The following PIAS2 variants were observed in gnomAD, a reference collection of about 807,000 sequenced individuals.
PIAS2 encodes E3 SUMO-protein ligase PIAS2.
PIAS2 carries 19 observed loss-of-function variants against 69.7 expected under a neutral mutation model. That is an observed-to-expected ratio of 0.27 (90% CI 0.19 to 0.40). The LOEUF is 0.40. Ranked by LOEUF, PIAS2 falls within the 10% of genes least tolerant of loss-of-function variation. PIAS2 has a pLI of 1.00. For missense variants in PIAS2, 624 were observed against 757.0 expected, an observed-to-expected ratio of 0.82 and a Z score of 2.06; for synonymous variants, 261 against 263.2, an observed-to-expected ratio of 0.99 and a Z score of 0.08.
At chr18:46,850,765 A>T (rs145040815) in intron 5 of PIAS2, among the ~76,000 whole-genome samples, 3,936 of 152,242 alleles carry the variant, frequency 0.026, 96 homozygotes, top group Middle Eastern at 0.048. Context: ...GACCCATTAT[A>T]TGATTATGAA....
At chr18:46,870,990 T>C (rs1014455405) in intron 2 of PIAS2, among the ~76,000 whole-genome samples, 6 of 152,074 alleles carry the variant, frequency 3.9e-5, no homozygotes, top group Non-Finnish European at 5.9e-5. Flanking sequence ...GAGCATTCCA[T>C]ATACAACAAA....
In PIAS2 at chr18:46,890,710, A is replaced by G; in HGVS notation, c.369T>C (p.Leu123=). ...SPSSPVGSVL[L]QDTKPTFEMQ... is the part of the protein sequence containing the mutation. The stretch of plus-strand genomic sequence containing the variant: ...TCTCAAATGTGGGCTTAGTATCTTG[A>G]AGCAGCACAGAACCAACAGGAGAGG... The change falls in exon 2 of 14, where the codon CTT becomes CTC. Residue 123 remains leucine, a synonymous_variant. Transcript: ENST00000585916. 1 of 1,614,176 alleles carries G rather than the reference A, an allele frequency of 6.2e-7. No individual in the cohort carries two copies. The highest frequency in any genetic ancestry group is 1.3e-5 in the African/African-American group (1 of 75,058).
At chr18:46,890,535 C>T (rs772987824) in intron 2 of PIAS2, 45 bp downstream of exon 2, 1 of 1,184,926 alleles carries the variant, frequency 8.4e-7, no homozygotes, top group Non-Finnish European at 1.2e-6. Context: ...TCTCTCATTT[C>T]ATTTACTATC....
intron 12 of PIAS2, among the ~76,000 whole-genome samples, chr18:46,818,813 G>C (rs994442427): frequency 2.6e-5 from 4 of 151,994 alleles, no homozygotes; most frequent in South Asian, 2.1e-4. Context: ...ATAACAACCA[G>C]TATCACCATA....
At position 46,894,056 on chromosome 18, in the gene PIAS2, G is replaced by A. The variant is rs188857505; in HGVS notation, c.25-3002C>T. Among the ~76,000 whole-genome samples, 7 of 152,274 alleles carry A rather than the reference G, an allele frequency of 4.6e-5. 1 individual carries two copies. Among genetic ancestry groups the A allele is most frequent in the Middle Eastern group, 6.8e-3 (2 of 294 alleles). On this transcript the variant is annotated intron_variant, in intron 1 of 13. Transcript: ENST00000585916. ...CAGGAGAATTTCTTCAACCCAGGAG[G>A]TGGAAGTTGCAGTGAGCCAAGACTG... is the stretch of plus-strand genomic sequence containing the variant.
chr18:46,855,997 GTTTTTTTTTTT>G (rs1171297653), intron 3 of PIAS2, among the ~76,000 whole-genome samples: 5,939 of 68,094 alleles, frequency 0.087, 161 homozygotes, highest in Non-Finnish European at 0.11. Context: ...TTTTTCTTTT[GTTTTTTTTTTT>G]TTTTTTTTTT....
chr18:46,878,530 G>A (rs1420045166), intron 2 of PIAS2, among the ~76,000 whole-genome samples: 1 of 152,064 alleles, frequency 6.6e-6, no homozygotes, highest in Non-Finnish European at 1.5e-5. Flanking sequence ...CCCCCTGCAA[G>A]CACTATATTG....
rs539165833 is a variant in PIAS2, at chr18:46,888,507, C to T, written c.499+2073G>A. The stretch of plus-strand genomic sequence containing the variant: ...GATTCCAAGACATATTACATAGCTA[C>T]GGTAATCAAAACTGTGATACTGGCA... On this transcript the variant is annotated intron_variant, in intron 2 of 13. Transcript: ENST00000585916. Among the ~76,000 whole-genome samples the T allele has an allele frequency of 6.6e-5, 10 of 152,180 alleles. No individual in the cohort carries two copies. In the East Asian group the frequency reaches 1.2e-3, roughly 18 times the overall value.
chr18:46,882,611 A>G (rs916491352), intron 2 of PIAS2, among the ~76,000 whole-genome samples: 1 of 152,240 alleles, frequency 6.6e-6, no homozygotes, highest in African/African-American at 2.4e-5. Flanking sequence ...AAACTGCAAG[A>G]ATAGTGCCTG....
At position 46,864,256 on chromosome 18, in the gene PIAS2, G is replaced by GAAA; in HGVS notation, c.500-11_500-9dup. ...GCTGAATACTGCTTTGAACTGGGAA[G>GAAA]AAAAAAAAAAAGAAAGATAATATTT... On this transcript the variant is annotated splice_polypyrimidine_tract_variant and intron_variant, in intron 2 of 13. Coordinates refer to ENST00000585916, the MANE Select transcript of PIAS2 (RefSeq NM_004671.5). 6.7e-6 allele frequency: 8 copies of GAAA among 1,196,972 alleles called. No homozygotes were observed. Among genetic ancestry groups the GAAA allele is most frequent in the South Asian group, 1.7e-5 (1 of 59,914 alleles). 74.1% of individuals were successfully genotyped at this position (1,196,972 alleles called of 1,614,324 possible).
intron 3 of PIAS2, among the ~76,000 whole-genome samples, chr18:46,856,972 T>C (rs937531379): frequency 5.3e-5 from 8 of 152,346 alleles, no homozygotes; most frequent in African/African-American, 1.9e-4. Context: ...GTGCCTCAGT[T>C]TCTACATCTG....
At position 46,844,065 on chromosome 18, in the gene PIAS2, A is replaced by G. The variant is rs1182407132; in HGVS notation, c.1030T>C (p.Leu344=). 3 of 1,534,498 alleles carry G rather than the reference A, an allele frequency of 2.0e-6. No homozygotes were observed. Among genetic ancestry groups the G allele is most frequent in the Non-Finnish European group, 2.6e-6 (3 of 1,140,730 alleles). ...EIATTSLRVS[L]MCPLGKMRLT... Reference sequence around the variant, plus strand: ...GTTGCTTTACTTACAGGGCACATCAAGGATACCCGAAGGCTAGTTGTAGCA... The same window carrying G: ...GTTGCTTTACTTACAGGGCACATCAGGGATACCCGAAGGCTAGTTGTAGCA... The change falls in exon 8 of 14, where the codon TTG becomes CTG. Residue 344 remains leucine, a synonymous_variant. Transcript: ENST00000585916.
At chr18:46,883,837 A>G (rs1343476372) in intron 2 of PIAS2, among the ~76,000 whole-genome samples, 1 of 152,062 alleles carries the variant, frequency 6.6e-6, no homozygotes, top group African/African-American at 2.4e-5. Flanking sequence ...CTCTCTCAAT[A>G]AATAATAAAT....
chr18:46,919,902 G>T (rs1349327224), upstream of PIAS2, among the ~76,000 whole-genome samples: 1 of 152,166 alleles, frequency 6.6e-6, no homozygotes, highest in Non-Finnish European at 1.5e-5. Flanking sequence ...ACATTGTTTA[G>T]TAGGCTTTAA....
At chr18:46,898,105 T>C (rs2055187108) in intron 1 of PIAS2, among the ~76,000 whole-genome samples, 1 of 152,136 alleles carries the variant, frequency 6.6e-6, no homozygotes, top group Admixed American at 6.5e-5. Context: ...TCCTTCCACC[T>C]TGACCTCCCA....
chr18:46,818,393 T>A, intron 12 of PIAS2: 3 of 1,586,046 alleles, frequency 1.9e-6, no homozygotes, highest in Non-Finnish European at 2.6e-6. Context: ...TTGCACAGTA[T>A]CAGAAGATGT....
intron 2 of PIAS2, among the ~76,000 whole-genome samples, chr18:46,878,740 T>C (rs757120893): frequency 2.0e-4 from 31 of 152,166 alleles, no homozygotes; most frequent in Admixed American, 6.5e-4. Context: ...TGGTGGCCCA[T>C]GCCTGTAAGC....
chr18:46,803,841 C>T lies in PIAS2; in HGVS notation c.*8592G>A, dbSNP rs1231034217. 6.6e-6 allele frequency: 1 copy of T among 152,164 alleles called. No individual in the cohort carries two copies. The highest frequency in any genetic ancestry group is 1.5e-5 in the Non-Finnish European group (1 of 68,068). The allele number at this position is 152,164 out of a possible 1,614,324, so 9.4% of individuals were successfully genotyped here. On this transcript the variant is annotated 3_prime_UTR_variant, in exon 14 of 14. Transcript: ENST00000585916. ...GTCTACAAGGAGTTGCTTACACTTC[C>T]AGGTTTAATACACCTACTCCCATAT...
At chr18:46,856,865 G>A (rs965387599) in intron 3 of PIAS2, among the ~76,000 whole-genome samples, 2 of 152,044 alleles carry the variant, frequency 1.3e-5, no homozygotes, top group East Asian at 3.9e-4. Context: ...CCCAATCCTC[G>A]AGCTCCACTG....
Sources: gnomAD v4.1 joint callset for allele counts (sites outside exome capture counted in the v4.1 genomes callset) on GRCh38, gnomAD v4.1.1 for gene constraint, MANE v1.5 for transcripts, NCBI Gene and HGNC (gene_info 2026-07-23, HGNC 2026-07-21) for gene names.